Variants in HMG20A observed in about 807,000 individuals in gnomAD.
HMG20A encodes high mobility group protein 20A.
Under a neutral mutation model 43.9 loss-of-function variants are expected in HMG20A, and 17 were observed. The ratio of observed to expected loss-of-function variants is 0.39; its 90% CI spans 0.27 to 0.58. The LOEUF (loss-of-function observed/expected upper bound fraction) is 0.58, where lower values mean the gene tolerates loss of function less well. Among genes scored for constraint, HMG20A ranks in the 20% least tolerant of loss-of-function variants. The pLI is 0.59. For synonymous variants in HMG20A, 132 were observed against 147.5 expected (o/e 0.89, Z 0.76); for missense variants, 341 against 438.2 (o/e 0.78, Z 1.98).
At chr15:77,481,771 A>C (rs1289928451) in intron 9 of HMG20A, among the ~76,000 whole-genome samples, 1 of 152,202 alleles carries the variant, frequency 6.6e-6, no homozygotes, top group Non-Finnish European at 1.5e-5. Context: ...CTAACAATAG[A>C]TGGTTCCCCA....
At chr15:77,428,608 G>A (rs534890233) in intron 1 of HMG20A, among the ~76,000 whole-genome samples, 6 of 152,156 alleles carry the variant, frequency 3.9e-5, no homozygotes, top group Middle Eastern at 3.4e-3. Flanking sequence ...GGCTTTAGTC[G>A]GATATTATAA....
chr15:77,498,723 G>A, the HMG20A span, among the ~76,000 whole-genome samples: 1 of 152,146 alleles, frequency 6.6e-6, no homozygotes, highest in Non-Finnish European at 1.5e-5. Context: ...ATCTCAAAAG[G>A]CATACAACAA....
chr15:77,458,210 T>A (rs1595923063), intron 1 of HMG20A, 194 bp from the exon 2 acceptor site: 2 of 443,830 alleles, frequency 4.5e-6, no homozygotes, highest in East Asian at 8.1e-5. Context: ...GGTCAGTTGA[T>A]AAGACCAAGG....
intron 1 of HMG20A, among the ~76,000 whole-genome samples, chr15:77,445,135 G>A (rs1255692926): frequency 6.6e-6 from 1 of 152,176 alleles, no homozygotes; most frequent in Non-Finnish European, 1.5e-5. Context: ...TCTGAAACAT[G>A]TCATCCTTTA....
At chr15:77,475,263 T>C (rs1300755565) in intron 6 of HMG20A, among the ~76,000 whole-genome samples, 1 of 152,216 alleles carries the variant, frequency 6.6e-6, no homozygotes, top group Non-Finnish European at 1.5e-5. Flanking sequence ...TTATTACCAC[T>C]CTTCCATTAA....
At chr15:77,500,703 G>A in the HMG20A span, among the ~76,000 whole-genome samples, 1 of 151,962 alleles carries the variant, frequency 6.6e-6, no homozygotes, top group Non-Finnish European at 1.5e-5. Flanking sequence ...CAAGTAGCTG[G>A]GATTACAGGT....
At chr15:77,470,771 T>C (rs891773579) in intron 4 of HMG20A, 139 bp from the exon 5 acceptor site, 8 of 650,830 alleles carry the variant, frequency 1.2e-5, no homozygotes, top group East Asian at 9.8e-5. Flanking sequence ...CTCTTGTTTT[T>C]CTGATTCTTT....
In HMG20A at chr15:77,446,285, C is replaced by G. The variant is rs1391294000; in HGVS notation, c.-4-12119C>G. ...ACCGTTATACACATCAGCCATTACC[C>G]TTTTTCCACGTCCCCTACTAGATTA... On this transcript the variant is annotated intron_variant, in intron 1 of 9. Coordinates refer to ENST00000336216, the MANE Select transcript of HMG20A (RefSeq NM_001304504.2). 2.0e-5 allele frequency among the ~76,000 whole-genome samples: 3 copies of G among 152,034 alleles called. No individual in the cohort carries two copies. The East Asian group carries it at 5.8e-4, about 29-fold the overall frequency.
the HMG20A span, among the ~76,000 whole-genome samples, chr15:77,504,527 C>T: frequency 1.3e-5 from 2 of 152,360 alleles, no homozygotes; most frequent in East Asian, 3.9e-4. Flanking sequence ...CCAAGAGAAG[C>T]AGGTGCTCCC....
chr15:77,487,504 C>G (rs898266433), downstream of HMG20A, among the ~76,000 whole-genome samples: 1 of 152,198 alleles, frequency 6.6e-6, no homozygotes, highest in Non-Finnish European at 1.5e-5. Context: ...TGGCTTCCAT[C>G]TGAGTTGCCA....
the HMG20A span, among the ~76,000 whole-genome samples, chr15:77,499,651 C>T: frequency 6.6e-6 from 1 of 152,194 alleles, no homozygotes; most frequent in South Asian, 2.1e-4. Context: ...CCTAATAGCC[C>T]ATTGTTTTGT....
chr15:77,449,558 C>T (rs150176095), intron 1 of HMG20A, among the ~76,000 whole-genome samples: 18 of 152,124 alleles, frequency 1.2e-4, no homozygotes, highest in Middle Eastern at 3.4e-3. Context: ...TGTTTATTCC[C>T]AAACCTCTTT....
intron 1 of HMG20A, among the ~76,000 whole-genome samples, chr15:77,434,968 G>A (rs529303913): frequency 6.6e-5 from 10 of 152,112 alleles, no homozygotes; most frequent in Non-Finnish European, 1.5e-4. Context: ...TAGCCCAAAT[G>A]TCCATCGAAA....
chr15:77,519,143 G>T, the HMG20A span, among the ~76,000 whole-genome samples: 1 of 152,270 alleles, frequency 6.6e-6, no homozygotes, highest in East Asian at 1.9e-4. Context: ...CAGTGATATA[G>T]AAAAAAGATG....
the HMG20A span, among the ~76,000 whole-genome samples, chr15:77,496,313 G>A: frequency 3.3e-5 from 5 of 152,138 alleles, no homozygotes; most frequent in African/African-American, 1.2e-4. Context: ...TTTGGCCAAG[G>A]GAAGTACCGA....
At position 77,478,337 on chromosome 15, in the gene HMG20A, A is replaced by G; in HGVS notation, c.734A>G (p.Glu245Gly). Reference protein sequence around the residue: ...ELRQLRKSNMEFEERNAALQK... With the variant: ...ELRQLRKSNMGFEERNAALQK... ...CGCCAGCTTCGCAAATCCAACATGG[A>G]GTTTGAGGAGAGGAATGCAGCCCTG... Residue 245 changes from glutamate (E) to glycine (G), a missense_variant, in exon 8 of 10, where the codon GAG (glutamate) becomes GGG (glycine). Coordinates refer to ENST00000336216, the MANE Select transcript of HMG20A (RefSeq NM_001304504.2). 4 of 1,613,640 alleles carry G rather than the reference A, an allele frequency of 2.5e-6. No individual in the cohort carries two copies. Among genetic ancestry groups the G allele is most frequent in the Non-Finnish European group, 3.4e-6 (4 of 1,180,022 alleles).
chr15:77,458,433 C>T lies in HMG20A; in HGVS notation c.26C>T (p.Thr9Ile), dbSNP rs61755712. Residue 9 changes from threonine (T) to isoleucine (I), a missense_variant, in exon 2 of 10, where the codon ACC (threonine) becomes ATC (isoleucine). Transcript: ENST00000336216. The part of the protein sequence containing the change: MENLMTSS[T>I]LPPLFADEDG... ...ATGGAAAACTTGATGACTAGCTCCA[C>T]CCTACCGCCCCTTTTTGCAGATGAA... 2,308 of 1,613,254 alleles carry T rather than the reference C, an allele frequency of 1.4e-3. 7 individuals are homozygous for T. Among genetic ancestry groups the T allele is most frequent in the Non-Finnish European group, 1.8e-3 (2,155 of 1,179,344 alleles).
the HMG20A span, among the ~76,000 whole-genome samples, chr15:77,515,717 T>G: frequency 6.8e-6 from 1 of 147,944 alleles, no homozygotes; most frequent in Admixed American, 6.6e-5. Context: ...TTCAAAACAC[T>G]CCAAACATTG....
At chr15:77,424,363 G>T (rs1180394693) in intron 1 of HMG20A, among the ~76,000 whole-genome samples, 1 of 152,134 alleles carries the variant, frequency 6.6e-6, no homozygotes, top group East Asian at 1.9e-4. Flanking sequence ...GATCAGATAG[G>T]CCCAAATTCA....
Sources: gnomAD v4.1 joint callset for allele counts (sites outside exome capture counted in the v4.1 genomes callset) on GRCh38, gnomAD v4.1.1 for gene constraint, MANE v1.5 for transcripts, NCBI Gene and HGNC (gene_info 2026-07-23, HGNC 2026-07-21) for gene names.